Variants in SEC11A observed in about 807,000 individuals in gnomAD.
The protein encoded by SEC11A is SEC11 homolog A, signal peptidase complex subunit, also known as signal peptidase complex catalytic subunit SEC11A.
Under a neutral mutation model 25.6 loss-of-function variants are expected in SEC11A, and 14 were observed. The observed-to-expected ratio is 0.55, with a 90% confidence interval of 0.36 to 0.85. SEC11A has a LOEUF of 0.85. Ranked by LOEUF, SEC11A falls within the 40% of genes least tolerant of loss-of-function variation. The pLI is 0.01. For synonymous variants in SEC11A, 83 were observed against 76.4 expected (o/e 1.09, Z -0.45); for missense variants, 153 against 222.9 (o/e 0.69, Z 2.00).
intron 1 of SEC11A, among the ~76,000 whole-genome samples, chr15:84,715,184 G>C (rs1567046649): frequency 6.6e-6 from 1 of 151,974 alleles, no homozygotes. Flanking sequence ...GGTGACATCA[G>C]GATAATCATA....
chr15:84,701,899 T>A lies in SEC11A; in HGVS notation c.52-10255A>T, dbSNP rs564321081. On this transcript the variant is annotated intron_variant, in intron 1 of 5. Coordinates refer to ENST00000268220, the MANE Select transcript of SEC11A (RefSeq NM_014300.4). ...CTGGCCAACATGGTGAAACCCCATC[T>A]TCACTAAAAATACACAAATTAGCTG... Among the ~76,000 whole-genome samples, 8 of 151,212 alleles carry A rather than the reference T, an allele frequency of 5.3e-5. No individual in the cohort carries two copies. In the South Asian group the frequency reaches 1.7e-3, roughly 32 times the overall value.
At chr15:84,706,236 T>G (rs1898090331) in intron 1 of SEC11A, among the ~76,000 whole-genome samples, 1 of 152,158 alleles carries the variant, frequency 6.6e-6, no homozygotes, top group South Asian at 2.1e-4. Context: ...CACAAAGGTT[T>G]TAATCCATCC....
chr15:84,694,404 T>A (rs1897698536), intron 1 of SEC11A, among the ~76,000 whole-genome samples: 1 of 151,704 alleles, frequency 6.6e-6, no homozygotes, highest in African/African-American at 2.4e-5. Flanking sequence ...TATTTGGGGG[T>A]GTAATACTAG....
chr15:84,705,339 G>C (rs894340827), intron 1 of SEC11A, among the ~76,000 whole-genome samples: 2 of 152,112 alleles, frequency 1.3e-5, no homozygotes, highest in Non-Finnish European at 1.5e-5. Flanking sequence ...CTGCGTGACA[G>C]AAATGGCCTT....
intron 4 of SEC11A, among the ~76,000 whole-genome samples, chr15:84,674,830 G>A (rs889106418): frequency 6.6e-6 from 1 of 152,168 alleles, no homozygotes; most frequent in Admixed American, 6.5e-5. Context: ...AAAGTGCTGA[G>A]ATTACAAGCG....
intron 1 of SEC11A, among the ~76,000 whole-genome samples, chr15:84,710,088 A>G (rs2047450956): frequency 2.0e-5 from 3 of 152,198 alleles, no homozygotes; most frequent in Non-Finnish European, 2.9e-5. Context: ...TAGTGAAGTA[A>G]TAAGTCAGCC....
At chr15:84,678,360 A>G (rs1897195541) in intron 4 of SEC11A, among the ~76,000 whole-genome samples, 1 of 152,238 alleles carries the variant, frequency 6.6e-6, no homozygotes, top group African/African-American at 2.4e-5. Flanking sequence ...CAGTAATTCC[A>G]CTTCTAGGAA....
At chr15:84,682,754 C>G (rs118173256) in intron 3 of SEC11A, among the ~76,000 whole-genome samples, 1 of 151,894 alleles carries the variant, frequency 6.6e-6, no homozygotes, top group East Asian at 1.9e-4. Flanking sequence ...CAGCCAGGAA[C>G]AGCATTTTGT....
chr15:84,706,578 T>C (rs1898100232), intron 1 of SEC11A, among the ~76,000 whole-genome samples: 1 of 152,188 alleles, frequency 6.6e-6, no homozygotes, highest in Non-Finnish European at 1.5e-5. Context: ...ATTTAGGTTC[T>C]TGCTGAGAGC....
chr15:84,691,073 CTT>C (rs199982469), intron 2 of SEC11A, among the ~76,000 whole-genome samples: 36 of 132,896 alleles, frequency 2.7e-4, no homozygotes, highest in Non-Finnish European at 2.2e-4. Flanking sequence ...TCTTTTCTCT[CTT>C]TTTTTTTTTT....
At chr15:84,704,091 A>G (rs151147363) in intron 1 of SEC11A, among the ~76,000 whole-genome samples, 42 of 152,298 alleles carry the variant, frequency 2.8e-4, no homozygotes, top group African/African-American at 9.9e-4. Context: ...CACTGCCACC[A>G]ATCCTGATGG....
At chr15:84,683,112 T>A (rs988915122) in intron 3 of SEC11A, among the ~76,000 whole-genome samples, 7 of 151,764 alleles carry the variant, frequency 4.6e-5, no homozygotes, top group African/African-American at 1.7e-4. Context: ...CAGAGAAAAA[T>A]AATCTGTAGC....
chr15:84,684,666 T>C (rs1567036537), intron 3 of SEC11A, among the ~76,000 whole-genome samples: 1 of 152,114 alleles, frequency 6.6e-6, no homozygotes, highest in Non-Finnish European at 1.5e-5. Flanking sequence ...GTGCAGTGGG[T>C]CATGCCTGTA....
intron 1 of SEC11A, among the ~76,000 whole-genome samples, chr15:84,707,598 G>A (rs1410356101): frequency 6.6e-6 from 1 of 152,064 alleles, no homozygotes; most frequent in African/African-American, 2.4e-5. Context: ...TCCAGTTAAG[G>A]AGTAGACACC....
At chr15:84,709,191 A>C (rs1195756545) in intron 1 of SEC11A, among the ~76,000 whole-genome samples, 1 of 151,820 alleles carries the variant, frequency 6.6e-6, no homozygotes, top group East Asian at 1.9e-4. Flanking sequence ...TTAGTGAGTA[A>C]ATATCTTTTT....
intron 1 of SEC11A, among the ~76,000 whole-genome samples, chr15:84,710,589 G>A (rs1040338931): frequency 6.6e-6 from 1 of 152,200 alleles, no homozygotes; most frequent in Non-Finnish European, 1.5e-5. Context: ...GTTGAGCCTA[G>A]ATGGTGCCAC....
chr15:84,683,040 T>C (rs1183962041), intron 3 of SEC11A, among the ~76,000 whole-genome samples: 2 of 151,450 alleles, frequency 1.3e-5, no homozygotes, highest in South Asian at 2.1e-4. Flanking sequence ...ACACCAAAGA[T>C]GGTTAAGTGC....
At chr15:84,671,036 T>C (rs962478652) in intron 4 of SEC11A, 3 of 304,446 alleles carry the variant, frequency 9.9e-6, no homozygotes, top group Admixed American at 1.0e-4. Context: ...CAGCACCAGA[T>C]AGAGCCAAGG....
intron 3 of SEC11A, 31 bp from the exon 4 acceptor site, chr15:84,680,863 A>G: frequency 1.3e-6 from 2 of 1,576,066 alleles, no homozygotes; most frequent in Non-Finnish European, 1.7e-6. Flanking sequence ...CCAAGTCATC[A>G]AATACCTTCA....
Sources: gnomAD v4.1 joint callset for allele counts (sites outside exome capture counted in the v4.1 genomes callset) on GRCh38, gnomAD v4.1.1 for gene constraint, MANE v1.5 for transcripts, NCBI Gene and HGNC (gene_info 2026-07-23, HGNC 2026-07-21) for gene names.